LBP: variants seen among roughly 807,000 people sequenced by gnomAD.
LBP encodes the protein lipopolysaccharide-binding protein.
Under a neutral mutation model 56.6 loss-of-function variants are expected in LBP, and 53 were observed. The ratio of observed to expected loss-of-function variants is 0.94; its 90% confidence interval spans 0.75 to 1.18. The LOEUF (loss-of-function observed/expected upper bound fraction) is 1.18, where lower values mean the gene tolerates loss of function less well. LBP is among the 50% of genes most tolerant of loss of function. LBP has a pLI of 0.00. For synonymous variants in LBP, 227 were observed against 247.5 expected, an observed-to-expected ratio of 0.92 and a Z score of 0.78; for missense variants, 601 against 598.3, an observed-to-expected ratio of 1.00 and a Z score of -0.05.
chr20:38,356,111 C>T, intron 5 of LBP, among the ~76,000 whole-genome samples: 1 of 124,034 alleles, frequency 8.1e-6, no homozygotes, highest in African/African-American at 3.1e-5. Context: ...CCTCCCAGCA[C>T]ACACACACCA....
At chr20:38,347,041 T>C (rs981683923) in intron 1 of LBP, among the ~76,000 whole-genome samples, 15 of 152,124 alleles carry the variant, frequency 9.9e-5, no homozygotes, top group Non-Finnish European at 2.9e-5. Context: ...TGGAAACACA[T>C]GCCTCTGAAC....
At position 38,370,819 on chromosome 20, in the gene LBP, C is replaced by T. The variant is rs760636162; in HGVS notation, c.1217+14C>T. The T allele has an allele frequency of 2.8e-5, 45 of 1,609,494 alleles. No individual in the cohort carries two copies. Among genetic ancestry groups the T allele is most frequent in the Non-Finnish European group, 3.3e-5 (39 of 1,175,916 alleles). ...GAAGCCAGGAAAGTAAGTTGGCCTC[C>T]TACCTACATGGGGGTGCCCAGCTGG... is the stretch of plus-strand genomic sequence containing the variant. On this transcript the variant is annotated intron_variant, in intron 11 of 14. Coordinates refer to ENST00000217407, the MANE Select transcript of LBP (RefSeq NM_004139.5).
chr20:38,355,854 A>G (rs1160717651), intron 5 of LBP, among the ~76,000 whole-genome samples: 1 of 151,994 alleles, frequency 6.6e-6, no homozygotes, highest in Non-Finnish European at 1.5e-5. Flanking sequence ...AGGCAGCAAC[A>G]CTGTCAGACT....
At chr20:38,355,439 C>T (rs760713988) in intron 5 of LBP, 30 bp downstream of exon 5, 18 of 1,593,730 alleles carry the variant, frequency 1.1e-5, no homozygotes, top group Admixed American at 1.7e-5. Flanking sequence ...TGGCCTCCCC[C>T]GAGCTTGGCG....
intron 1 of LBP, among the ~76,000 whole-genome samples, chr20:38,348,954 C>A (rs368984796): frequency 6.6e-6 from 1 of 151,986 alleles, no homozygotes; most frequent in Non-Finnish European, 1.5e-5. Context: ...CCACCATGCC[C>A]GGCTAATTTT....
chr20:38,364,156 G>T, intron 7 of LBP, 90 bp downstream of exon 7: 1 of 845,172 alleles, frequency 1.2e-6, no homozygotes, highest in Non-Finnish European at 2.0e-6. Flanking sequence ...CTTCAGATCT[G>T]TCCTCATCCT....
chr20:38,357,437 CAG>C (rs1273333153), intron 5 of LBP, among the ~76,000 whole-genome samples: 3 of 152,214 alleles, frequency 2.0e-5, no homozygotes, highest in African/African-American at 7.2e-5. Flanking sequence ...ATTCCCCACT[CAG>C]GGTGGGATGT....
At chr20:38,369,308 C>A in intron 10 of LBP, 146 bp downstream of exon 10, 2 of 797,712 alleles carry the variant, frequency 2.5e-6, no homozygotes, top group Non-Finnish European at 3.9e-6. Flanking sequence ...GGCTTTCTTG[C>A]TGGCCCTTAC....
chr20:38,371,384 A>C (rs2076900335), intron 12 of LBP, 62 bp downstream of exon 12: 2 of 1,214,264 alleles, frequency 1.6e-6, no homozygotes, highest in Non-Finnish European at 2.4e-6. Context: ...TTTCCTAAGC[A>C]ATTGCTATGG....
chr20:38,370,586 G>A (rs763190045), intron 10 of LBP, 152 bp from the exon 11 acceptor site: 5 of 668,334 alleles, frequency 7.5e-6, no homozygotes, highest in Non-Finnish European at 1.1e-5. Flanking sequence ...CCTACAGTGA[G>A]CCTTCTGGGA....
chr20:38,374,950 A>AT (rs370110558), intron 14 of LBP, among the ~76,000 whole-genome samples: 8,356 of 127,096 alleles, frequency 0.066, 386 homozygotes, highest in East Asian at 0.24. Context: ...CTCCCAGCTA[A>AT]TTTTTTTTTT....
chr20:38,369,464 T>C (rs2076894076), intron 10 of LBP, among the ~76,000 whole-genome samples: 1 of 152,104 alleles, frequency 6.6e-6, no homozygotes, highest in Non-Finnish European at 1.5e-5. Flanking sequence ...GTCTGGGCTA[T>C]TGTGGGGAGA....
chr20:38,348,374 A>G (rs1213302770), intron 1 of LBP, among the ~76,000 whole-genome samples: 40 of 150,448 alleles, frequency 2.7e-4, no homozygotes, highest in African/African-American at 9.3e-4. Flanking sequence ...GTGCAATGGC[A>G]CAATCTCAGC....
At chr20:38,371,476 T>C (rs1050331333) in intron 12 of LBP, among the ~76,000 whole-genome samples, 154 bp downstream of exon 12, 5 of 152,148 alleles carry the variant, frequency 3.3e-5, no homozygotes, top group Non-Finnish European at 5.9e-5. Context: ...ACACAAGACA[T>C]AGGGCCAAGG....
chr20:38,364,784 G>A (rs1318214740), intron 8 of LBP, 32 bp downstream of exon 8: 2 of 1,575,060 alleles, frequency 1.3e-6, no homozygotes, highest in East Asian at 4.5e-5. Context: ...TCTCTCAAAT[G>A]AACACATAAC....
At chr20:38,353,677 A>G (rs1600723060) in intron 3 of LBP, among the ~76,000 whole-genome samples, 2 of 151,072 alleles carry the variant, frequency 1.3e-5, no homozygotes, top group East Asian at 1.9e-4. Context: ...GCCAATGTGC[A>G]CTCTCCCAGC....
At chr20:38,369,533 A>G (rs1331638015) in intron 10 of LBP, among the ~76,000 whole-genome samples, 3 of 152,184 alleles carry the variant, frequency 2.0e-5, no homozygotes, top group African/African-American at 7.2e-5. Flanking sequence ...ACATTTCCCA[A>G]GCTTCTTTGC....
rs766060465 is a variant in LBP, at chr20:38,350,800, T to C, written c.240-11T>C. The C allele has an allele frequency of 6.3e-7, 1 of 1,597,144 alleles. No homozygotes were observed. Among genetic ancestry groups the C allele is most frequent in the South Asian group, 1.1e-5 (1 of 90,466 alleles). The stretch of plus-strand genomic sequence containing the variant: ...CAGGGCTGACACCTCCTTCCATGTC[T>C]CTCCCTTCAGCCTGAACATCCACAG... On this transcript the variant is annotated splice_polypyrimidine_tract_variant and intron_variant, in intron 2 of 14. Coordinates refer to ENST00000217407, the MANE Select transcript of LBP (RefSeq NM_004139.5).
intron 3 of LBP, among the ~76,000 whole-genome samples, chr20:38,352,102 C>T (rs975690336): frequency 1.3e-5 from 2 of 151,868 alleles, no homozygotes; most frequent in South Asian, 4.2e-4. Context: ...GTCCTAATCT[C>T]TTTTTATAAA....
Sources: gnomAD v4.1 joint callset for allele counts (sites outside exome capture counted in the v4.1 genomes callset) on GRCh38, gnomAD v4.1.1 for gene constraint, MANE v1.5 for transcripts, NCBI Gene and HGNC (gene_info 2026-07-23, HGNC 2026-07-21) for gene names.